ALK: variants seen among roughly 807,000 people sequenced by gnomAD.
The protein encoded by ALK is ALK tyrosine kinase receptor.
Under a neutral mutation model 163.1 loss-of-function variants are expected in ALK, and 74 were observed. The ratio of observed to expected loss-of-function variants is 0.45; its 90% CI spans 0.38 to 0.55. The LOEUF (loss-of-function observed/expected upper bound fraction) is 0.55. Among genes scored for constraint, ALK ranks in the 20% least tolerant of loss-of-function variants. The probability of loss-of-function intolerance (pLI) is 0.00; values close to 1 mark genes in which losing one functional copy is unlikely to be tolerated. For missense variants in ALK, 2,063 were observed against 2,105.3 expected (o/e 0.98, Z 0.39); for synonymous variants, 960 against 843.2 (o/e 1.14, Z -2.40).
At chr2:29,526,850 C>T (rs1260567021) in intron 4 of ALK, among the ~76,000 whole-genome samples, 1 of 152,230 alleles carries the variant, frequency 6.6e-6, no homozygotes, top group Non-Finnish European at 1.5e-5. Flanking sequence ...AAGCAAATAC[C>T]TGGTGGCATC....
intron 16 of ALK, among the ~76,000 whole-genome samples, chr2:29,228,130 A>T (rs1664069362): frequency 6.6e-6 from 1 of 151,968 alleles, no homozygotes; most frequent in South Asian, 2.1e-4. Context: ...CCCTCCTTTC[A>T]TCTGGGGCTG....
At chr2:29,537,331 C>T (rs1481761674) in intron 3 of ALK, among the ~76,000 whole-genome samples, 1 of 152,232 alleles carries the variant, frequency 6.6e-6, no homozygotes, top group Non-Finnish European at 1.5e-5. Context: ...GGTGCTGTTG[C>T]CCTGCTCAGC....
At chr2:29,361,228 C>T (rs552760526) in intron 5 of ALK, among the ~76,000 whole-genome samples, 4 of 152,314 alleles carry the variant, frequency 2.6e-5, no homozygotes, top group South Asian at 2.1e-4. Flanking sequence ...TGTTAAAGAC[C>T]GTCCACATTA....
At chr2:29,197,507 A>T (rs756106765) in intron 27 of ALK, 35 bp downstream of exon 27, 3 of 1,611,066 alleles carry the variant, frequency 1.9e-6, no homozygotes, top group Non-Finnish European at 2.5e-6. Context: ...AAAACTGCTT[A>T]GTAACTAGCA....
At chr2:29,590,470 C>A (rs1278250560) in intron 3 of ALK, among the ~76,000 whole-genome samples, 1 of 152,180 alleles carries the variant, frequency 6.6e-6, no homozygotes, top group Non-Finnish European at 1.5e-5. Flanking sequence ...CTAGGCACGT[C>A]TGTGTCCTCG....
chr2:29,253,112 C>T (rs1369782181), intron 11 of ALK, among the ~76,000 whole-genome samples: 1 of 152,130 alleles, frequency 6.6e-6, no homozygotes, highest in Non-Finnish European at 1.5e-5. Context: ...CCTGCCTCAG[C>T]CTCCCAAAAT....
At chr2:29,198,252 A>T (rs1426339977) in intron 26 of ALK, among the ~76,000 whole-genome samples, 2 of 152,188 alleles carry the variant, frequency 1.3e-5, no homozygotes, top group Non-Finnish European at 2.9e-5. Flanking sequence ...CATCTATCAG[A>T]TGCCCACTCA....
At chr2:29,512,135 C>G (rs1672538145) in intron 4 of ALK, among the ~76,000 whole-genome samples, 1 of 151,722 alleles carries the variant, frequency 6.6e-6, no homozygotes, top group East Asian at 1.9e-4. Context: ...TTTTTCTTAC[C>G]CAAGTCTGCA....
chr2:29,216,557 T>C (rs1669612272), intron 23 of ALK, among the ~76,000 whole-genome samples: 1 of 151,818 alleles, frequency 6.6e-6, no homozygotes, highest in South Asian at 2.1e-4. Flanking sequence ...CACTAATCAG[T>C]GTGCACAGGG....
intron 26 of ALK, among the ~76,000 whole-genome samples, chr2:29,199,467 G>A (rs1296269724): frequency 6.6e-6 from 1 of 152,068 alleles, no homozygotes; most frequent in African/African-American, 2.4e-5. Context: ...TTGGTGTCTA[G>A]TGTGAGGTAA....
intron 4 of ALK, among the ~76,000 whole-genome samples, chr2:29,464,200 C>T (rs1671152188): frequency 6.6e-6 from 1 of 151,968 alleles, no homozygotes; most frequent in Non-Finnish European, 1.5e-5. Context: ...AAAATTGGAC[C>T]TATAATTAAG....
At chr2:29,398,719 T>C (rs1337545863) in intron 4 of ALK, among the ~76,000 whole-genome samples, 4 of 152,064 alleles carry the variant, frequency 2.6e-5, no homozygotes, top group Non-Finnish European at 5.9e-5. Flanking sequence ...TCCAGCATTC[T>C]CCGAGGTCAG....
At chr2:29,666,314 C>A (rs1573539116) in intron 3 of ALK, among the ~76,000 whole-genome samples, 1 of 152,000 alleles carries the variant, frequency 6.6e-6, no homozygotes. Flanking sequence ...TTTCTAGGGT[C>A]CCTTTTTTTT....
chr2:29,461,088 A>G (rs1199816196), intron 4 of ALK, among the ~76,000 whole-genome samples: 2 of 152,220 alleles, frequency 1.3e-5, no homozygotes, highest in African/African-American at 4.8e-5. Context: ...TATTCTCTTC[A>G]GCCAAAGCCT....
At chr2:29,559,767 ACG>A (rs1491198750) in intron 3 of ALK, among the ~76,000 whole-genome samples, 1 of 50,824 alleles carries the variant, frequency 2.0e-5, no homozygotes, top group Admixed American at 2.1e-4. Context: ...GGGAGCATGT[ACG>A]TGTGTGTGTG....
chr2:29,617,727 T>TCCCTACTATCTC (rs1426037971), intron 3 of ALK, among the ~76,000 whole-genome samples: 4 of 152,316 alleles, frequency 2.6e-5, no homozygotes, highest in Middle Eastern at 3.4e-3. Context: ...AGCACTATCT[T>TCCCTACTATCTC]CCCTACTATC....
At chr2:29,538,728 A>C (rs1673329926) in intron 3 of ALK, among the ~76,000 whole-genome samples, 1 of 152,168 alleles carries the variant, frequency 6.6e-6, no homozygotes, top group Non-Finnish European at 1.5e-5. Flanking sequence ...ACACACTGGA[A>C]AATTTTTTTT....
chr2:29,875,372 C>T (rs1666677605), intron 1 of ALK, among the ~76,000 whole-genome samples: 1 of 152,066 alleles, frequency 6.6e-6, no homozygotes, highest in African/African-American at 2.4e-5. Flanking sequence ...TAATGTCACT[C>T]AATTGTACAC....
In ALK at chr2:29,603,111, C is replaced by T. The variant is rs77299809; in HGVS notation, c.953-70995G>A. 7.9e-4 allele frequency among the ~76,000 whole-genome samples: 121 copies of T among 152,202 alleles called. No homozygotes were observed. The East Asian group carries it at 0.021, about 26-fold the overall frequency. ...AAGACTTGGAATCAATAGAAAGGCA[C>T]GTCTGGGTTAAGATAAGGGGTTACA... On this transcript the variant is annotated intron_variant, in intron 3 of 28. Coordinates refer to ENST00000389048, the MANE Select transcript of ALK (RefSeq NM_004304.5).
Sources: gnomAD v4.1 joint callset for allele counts (sites outside exome capture counted in the v4.1 genomes callset) on GRCh38, gnomAD v4.1.1 for gene constraint, MANE v1.5 for transcripts, NCBI Gene and HGNC (gene_info 2026-07-23, HGNC 2026-07-21) for gene names.